BRD7: variants seen among roughly 807,000 people sequenced by gnomAD.
BRD7 encodes bromodomain containing 7, also known as bromodomain-containing protein 7.
BRD7 carries 15 observed loss-of-function variants against 82.1 expected under a neutral mutation model. The observed-to-expected ratio is 0.18, with a 90% CI of 0.12 to 0.28. The LOEUF (loss-of-function observed/expected upper bound fraction) is 0.28. Ranked by LOEUF, BRD7 falls within the 10% of genes least tolerant of loss-of-function variation. BRD7 has a pLI of 1.00. For synonymous variants in BRD7, 232 were observed against 266.9 expected, an observed-to-expected ratio of 0.87 and a Z score of 1.27; for missense variants, 638 against 779.9, an observed-to-expected ratio of 0.82 and a Z score of 2.17.
chr16:50,364,163 T>C (rs1208173496), intron 2 of BRD7, among the ~76,000 whole-genome samples: 1 of 152,170 alleles, frequency 6.6e-6, no homozygotes, highest in African/African-American at 2.4e-5. Flanking sequence ...GCAGAAGTTA[T>C]GTATGCCTTT....
At chr16:50,330,859 C>A (rs1185300633) in intron 8 of BRD7, among the ~76,000 whole-genome samples, 1 of 151,912 alleles carries the variant, frequency 6.6e-6, no homozygotes, top group East Asian at 1.9e-4. Flanking sequence ...ATTAAGTAAT[C>A]TTAGGGTTTT....
chr16:50,354,575 ATC>A, intron 3 of BRD7, 93 bp from the exon 4 acceptor site: 1 of 1,229,958 alleles, frequency 8.1e-7, no homozygotes, highest in South Asian at 1.4e-5. Context: ...ATTATTAAAT[ATC>A]TCATACAGAA....
In BRD7 at chr16:50,367,227, T is replaced by C. The variant is rs1274646302; in HGVS notation, c.258+863A>G. On this transcript the variant is annotated intron_variant, in intron 2 of 16. Coordinates refer to ENST00000394688, the MANE Select transcript of BRD7 (RefSeq NM_013263.5). Reference sequence around the variant, plus strand: ...GGAAAGTTAATAACAGTAATAACAATGTTATTATTATTAGAGACAGAGTCT... The same window carrying C: ...GGAAAGTTAATAACAGTAATAACAACGTTATTATTATTAGAGACAGAGTCT... 2.0e-5 allele frequency among the ~76,000 whole-genome samples: 3 copies of C among 152,142 alleles called. No homozygotes were observed. The East Asian group carries it at 5.8e-4, about 29-fold the overall frequency.
chr16:50,350,378 T>TG (rs2151187938), intron 4 of BRD7, among the ~76,000 whole-genome samples: 1 of 152,334 alleles, frequency 6.6e-6, no homozygotes, highest in East Asian at 1.9e-4. Context: ...ACCCTCAGGA[T>TG]GGAGATTTCT....
Position 50,317,051 on chromosome 16 carries a change from T to G in BRD7, c.*2160A>C, listed in dbSNP as rs2036832381. On this transcript the variant is annotated 3_prime_UTR_variant, in exon 17 of 17. Coordinates refer to ENST00000394688, the MANE Select transcript of BRD7 (RefSeq NM_013263.5). ...GCTGCAAATTAAGAGTACAGCTAAG[T>G]GCGGGGGTGGCGGTGGAGGGAACGA... 1 of 152,848 alleles carries G rather than the reference T, an allele frequency of 6.5e-6. No individual in the cohort carries two copies. The allele number at this position is 152,848 out of a possible 1,614,324, so 9.5% of individuals were successfully genotyped here.
At chr16:50,343,624 A>G (rs2038162593) in intron 5 of BRD7, among the ~76,000 whole-genome samples, 1 of 152,160 alleles carries the variant, frequency 6.6e-6, no homozygotes, top group Non-Finnish European at 1.5e-5. Flanking sequence ...TGCTTTTCCA[A>G]TGGTCTTTGC....
At chr16:50,351,962 A>G (rs1257759980) in intron 4 of BRD7, among the ~76,000 whole-genome samples, 1 of 152,130 alleles carries the variant, frequency 6.6e-6, no homozygotes, top group Admixed American at 6.5e-5. Flanking sequence ...AGCTATTCTG[A>G]TGTATATAAT....
chr16:50,349,273 C>A, intron 5 of BRD7: 1 of 237,262 alleles, frequency 4.2e-6, no homozygotes, highest in Non-Finnish European at 8.4e-6. Flanking sequence ...GGAGGGGTAG[C>A]ATTAGGAGAT....
chr16:50,360,543 C>A (rs139595293), intron 2 of BRD7, among the ~76,000 whole-genome samples: 1 of 152,174 alleles, frequency 6.6e-6, no homozygotes, highest in Admixed American at 6.5e-5. Flanking sequence ...TAGCTGCCCA[C>A]GGCAGAATGA....
intron 7 of BRD7, among the ~76,000 whole-genome samples, chr16:50,333,995 C>G (rs1270572153): frequency 6.6e-6 from 1 of 152,138 alleles, no homozygotes. Flanking sequence ...GAAGGGAGAA[C>G]AATATACCAT....
At chr16:50,350,784 C>A (rs1046271488) in intron 4 of BRD7, among the ~76,000 whole-genome samples, 1 of 152,188 alleles carries the variant, frequency 6.6e-6, no homozygotes, top group Non-Finnish European at 1.5e-5. Flanking sequence ...CTTTTCATCA[C>A]AGATTCACAA....
Position 50,318,387 on chromosome 16 carries a change from T to C in BRD7, c.*824A>G, listed in dbSNP as rs1053669575. The C allele has an allele frequency of 5.5e-5, 8 of 145,850 alleles. No individual in the cohort carries two copies. The highest frequency in any genetic ancestry group is 2.1e-4 in the African/African-American group (8 of 38,642). 9.0% of individuals were successfully genotyped at this position (145,850 alleles called of 1,614,324 possible). A position where few individuals can be genotyped will look rare whatever the true frequency, so the allele number is the denominator to read the frequency against. On this transcript the variant is annotated 3_prime_UTR_variant, in exon 17 of 17. Transcript: ENST00000394688. ...TATAAGGGCCTTCAAACTTAATTTG[T>C]TCACTGAACAAGGCTATCTATCTAT...
At chr16:50,340,549 G>A (rs2038004362) in intron 5 of BRD7, among the ~76,000 whole-genome samples, 1 of 152,120 alleles carries the variant, frequency 6.6e-6, no homozygotes, top group Non-Finnish European at 1.5e-5. Flanking sequence ...ACTGAAAACG[G>A]AGCAGTCCTA....
intron 2 of BRD7, among the ~76,000 whole-genome samples, chr16:50,364,666 G>T (rs1014317420): frequency 6.6e-6 from 1 of 152,186 alleles, no homozygotes; most frequent in African/African-American, 2.4e-5. Context: ...ACACAGGGGG[G>T]AGAACACTTC....
At chr16:50,320,526 G>A (rs113862480) in intron 14 of BRD7, 135 bp from the exon 15 acceptor site, 26 of 1,412,044 alleles carry the variant, frequency 1.8e-5, no homozygotes, top group African/African-American at 8.5e-5. Flanking sequence ...ACATCAACAC[G>A]CCATACCCAT....
rs558180291 is a variant in BRD7, at chr16:50,316,847, A to G, written c.*2364T>C. 20 of 152,500 alleles carry G rather than the reference A, an allele frequency of 1.3e-4. No homozygotes were observed. The highest frequency in any genetic ancestry group is 4.8e-4 in the African/African-American group (20 of 41,582). The allele number at this position is 152,500 out of a possible 1,614,324, so 9.4% of individuals were successfully genotyped here. On this transcript the variant is annotated 3_prime_UTR_variant, in exon 17 of 17. Transcript: ENST00000394688. ...GTGGCCTCATCACCAGAGCATCGCC[A>G]GGATTTCTAATGCACTCAGTTTCCC...
chr16:50,363,007 A>G (rs1422076872), intron 2 of BRD7, among the ~76,000 whole-genome samples: 1 of 151,766 alleles, frequency 6.6e-6, no homozygotes, highest in African/African-American at 2.4e-5. Context: ...ATGTACATAA[A>G]GCGCTCAGCA....
At chr16:50,351,128 A>T (rs760469674) in intron 4 of BRD7, among the ~76,000 whole-genome samples, 1 of 152,206 alleles carries the variant, frequency 6.6e-6, no homozygotes, top group Non-Finnish European at 1.5e-5. Flanking sequence ...AACTTCTTTA[A>T]AAACATATTT....
At chr16:50,341,249 T>C (rs975609563) in intron 5 of BRD7, among the ~76,000 whole-genome samples, 2 of 151,710 alleles carry the variant, frequency 1.3e-5, no homozygotes, top group Admixed American at 6.6e-5. Context: ...CATGTAATTT[T>C]AGTAGGTTCT....
Sources: allele counts gnomAD v4.1 joint callset (sites outside exome capture counted in the v4.1 genomes callset), GRCh38; gene constraint gnomAD v4.1.1; transcripts MANE v1.5; gene names NCBI Gene and HGNC (gene_info 2026-07-23, HGNC 2026-07-21).